Variants in AOPEP observed in about 807,000 individuals in gnomAD.
AOPEP encodes aminopeptidase O.
Under a neutral mutation model 98.1 loss-of-function variants are expected in AOPEP, and 77 were observed. The observed-to-expected ratio is 0.78, with a 90% CI of 0.65 to 0.95. The LOEUF is 0.95. AOPEP is among the 40% of genes least tolerant of loss of function. The probability of loss-of-function intolerance (pLI) is 0.00; values close to 1 mark genes in which losing one functional copy is unlikely to be tolerated. For synonymous variants in AOPEP, 346 were observed against 365.3 expected, an observed-to-expected ratio of 0.95 and a Z score of 0.60; for missense variants, 1,024 against 1,024.7, an observed-to-expected ratio of 1.00 and a Z score of 0.01.
chr9:94,737,228 C>T (rs1029718400), intron 1 of AOPEP, among the ~76,000 whole-genome samples: 11 of 152,074 alleles, frequency 7.2e-5, no homozygotes, highest in African/African-American at 1.9e-4. Flanking sequence ...CCTCAGCCTC[C>T]TGAGTAGCCG....
chr9:94,771,543 A>G (rs1462217248), intron 2 of AOPEP, among the ~76,000 whole-genome samples: 1 of 152,154 alleles, frequency 6.6e-6, no homozygotes, highest in Non-Finnish European at 1.5e-5. Flanking sequence ...ATCTTCTCCA[A>G]GTGACAAGGA....
chr9:94,769,270 C>G (rs380205), intron 2 of AOPEP, among the ~76,000 whole-genome samples: 1 of 152,056 alleles, frequency 6.6e-6, no homozygotes, highest in Non-Finnish European at 1.5e-5. Flanking sequence ...CAACTGTAGA[C>G]TGATTTCAGG....
intron 2 of AOPEP, among the ~76,000 whole-genome samples, chr9:94,765,962 T>G (rs1242593365): frequency 6.6e-6 from 1 of 152,172 alleles, no homozygotes; most frequent in Non-Finnish European, 1.5e-5. Flanking sequence ...TCAGATACAA[T>G]GTGCTTCTTG....
intron 5 of AOPEP, among the ~76,000 whole-genome samples, chr9:94,828,784 A>G (rs1034821867): frequency 6.6e-6 from 1 of 151,538 alleles, no homozygotes; most frequent in Non-Finnish European, 1.5e-5. Context: ...CACATACTTT[A>G]GTTATATAAT....
intron 5 of AOPEP, among the ~76,000 whole-genome samples, chr9:94,907,999 G>A (rs2051423786): frequency 6.6e-6 from 1 of 151,594 alleles, no homozygotes; most frequent in African/African-American, 2.4e-5. Flanking sequence ...CTTTTCCTGA[G>A]AGGGGAAGTA....
rs148003053 is a variant in AOPEP at position 94,733,691 on chromosome 9, TTAAG to T, written c.-136+6942_-136+6945del. ...AATTCATTTCAATATGACCTACAAA[TTAAG>T]TGTCAGTTGCCTGTTTAAATTTAAA... On this transcript the variant is annotated intron_variant, in intron 1 of 16. Transcript: ENST00000375315. Among the ~76,000 whole-genome samples the T allele has an allele frequency of 1.9e-4, 29 of 152,328 alleles. No homozygotes were observed. In the East Asian group the frequency reaches 4.4e-3, roughly 23 times the overall value.
At chr9:94,727,472 G>C (rs1829463679) in intron 1 of AOPEP, among the ~76,000 whole-genome samples, 1 of 152,106 alleles carries the variant, frequency 6.6e-6, no homozygotes, top group Admixed American at 6.6e-5. Context: ...CCCTTGCAAA[G>C]GTAGCCCTCA....
At chr9:95,091,671 G>C (rs538654037), downstream of AOPEP, among the ~76,000 whole-genome samples, 9 of 152,176 alleles carry the variant, frequency 5.9e-5, no homozygotes. Context: ...GAGGCCAGTT[G>C]TGACTATTCA....
At chr9:94,771,916 C>T (rs766499628) in intron 2 of AOPEP, among the ~76,000 whole-genome samples, 4 of 152,096 alleles carry the variant, frequency 2.6e-5, no homozygotes, top group Admixed American at 6.5e-5. Context: ...AACTCATTCC[C>T]GAGTTTAAAT....
At chr9:94,944,638 C>T (rs889272708) in intron 7 of AOPEP, among the ~76,000 whole-genome samples, 5 of 152,154 alleles carry the variant, frequency 3.3e-5, no homozygotes, top group African/African-American at 1.2e-4. Context: ...GATCATGGCT[C>T]ACTGCAGCCT....
intron 13 of AOPEP, among the ~76,000 whole-genome samples, chr9:95,007,793 T>A (rs1045386132): frequency 6.6e-6 from 1 of 152,220 alleles, no homozygotes; most frequent in Non-Finnish European, 1.5e-5. Flanking sequence ...AGGCAAAACA[T>A]GCGATATTTC....
chr9:95,124,826 G>C, the AOPEP span, among the ~76,000 whole-genome samples: 1 of 152,184 alleles, frequency 6.6e-6, no homozygotes, highest in Non-Finnish European at 1.5e-5. Flanking sequence ...CCGTCCTCCA[G>C]GGCCATGCAT....
intron 11 of AOPEP, among the ~76,000 whole-genome samples, chr9:94,981,516 A>T (rs1285362808): frequency 6.6e-6 from 1 of 152,120 alleles, no homozygotes; most frequent in African/African-American, 2.4e-5. Flanking sequence ...GGGTGATCAG[A>T]TGGTGTCTTT....
At chr9:95,137,687 G>A in the AOPEP span, among the ~76,000 whole-genome samples, 1 of 152,246 alleles carries the variant, frequency 6.6e-6, no homozygotes, top group East Asian at 1.9e-4. Flanking sequence ...CAAGGTGGAA[G>A]CTCCGGGAGA....
chr9:94,867,611 A>G (rs1262958180), intron 5 of AOPEP, among the ~76,000 whole-genome samples: 2 of 152,198 alleles, frequency 1.3e-5, no homozygotes, highest in Non-Finnish European at 2.9e-5. Flanking sequence ...CTGATTTCTT[A>G]TTCTGTCAGA....
chr9:95,145,017 AT>A, the AOPEP span, among the ~76,000 whole-genome samples: 1 of 152,202 alleles, frequency 6.6e-6, no homozygotes, highest in Non-Finnish European at 1.5e-5. Flanking sequence ...TGAAACCTGC[AT>A]TTTGACCATT....
At chr9:95,062,674 G>A (rs921047591) in intron 14 of AOPEP, among the ~76,000 whole-genome samples, 1 of 152,228 alleles carries the variant, frequency 6.6e-6, no homozygotes, top group African/African-American at 2.4e-5. Flanking sequence ...TATGGGCTGT[G>A]TTCACAGAGC....
At chr9:95,095,376 T>G in the AOPEP span, among the ~76,000 whole-genome samples, 1 of 152,198 alleles carries the variant, frequency 6.6e-6, no homozygotes, top group Non-Finnish European at 1.5e-5. Context: ...TCTGCCACGC[T>G]GTGGAAAAGC....
At chr9:95,062,104 G>A (rs577266431) in intron 14 of AOPEP, among the ~76,000 whole-genome samples, 1 of 152,234 alleles carries the variant, frequency 6.6e-6, no homozygotes, top group Non-Finnish European at 1.5e-5. Context: ...GCCCCCTTCC[G>A]TTTAGCATAA....
Sources: allele counts gnomAD v4.1 joint callset (sites outside exome capture counted in the v4.1 genomes callset), GRCh38; gene constraint gnomAD v4.1.1; transcripts MANE v1.5; gene names NCBI Gene and HGNC (gene_info 2026-07-23, HGNC 2026-07-21).